STPG1: variants seen among roughly 807,000 people sequenced by gnomAD.
STPG1 encodes sperm tail PG-rich repeat containing 1, also known as O(6)-methylguanine-induced apoptosis 2.
STPG1 carries 33 observed loss-of-function variants against 40.1 expected under a neutral mutation model. That is an observed-to-expected ratio of 0.82 (90% CI 0.62 to 1.10). The LOEUF is 1.10. STPG1 is among the 50% of genes least tolerant of loss of function. STPG1 has a pLI of 0.00. For synonymous variants in STPG1, 150 were observed against 155.0 expected (o/e 0.97, Z 0.24); for missense variants, 396 against 415.1 (o/e 0.95, Z 0.40).
intron 1 of STPG1, among the ~76,000 whole-genome samples, chr1:24,401,776 G>A (rs939782801): frequency 2.6e-5 from 4 of 152,022 alleles, no homozygotes; most frequent in East Asian, 3.9e-4. Context: ...CACTGCAACC[G>A]CTGCCCCTGC....
intron 6 of STPG1, among the ~76,000 whole-genome samples, chr1:24,372,409 G>A (rs899930205): frequency 2.0e-5 from 3 of 152,172 alleles, no homozygotes; most frequent in Non-Finnish European, 2.9e-5. Context: ...CTTAACAGAT[G>A]CTAGTACCCA....
chr1:24,403,462 A>C (rs1377697947), intron 1 of STPG1, among the ~76,000 whole-genome samples: 1 of 152,130 alleles, frequency 6.6e-6, no homozygotes, highest in Non-Finnish European at 1.5e-5. Context: ...GCCCTTTTGA[A>C]TATAACTTAC....
At chr1:24,364,437 G>C (rs1422098585) in intron 7 of STPG1, 1 of 1,455,484 alleles carries the variant, frequency 6.9e-7, no homozygotes. Context: ...TCAGCTCAGA[G>C]TATGTGGCCC....
intron 1 of STPG1, among the ~76,000 whole-genome samples, chr1:24,404,285 G>A (rs544361517): frequency 1.3e-5 from 2 of 152,180 alleles, no homozygotes; most frequent in East Asian, 3.9e-4. Context: ...ATGCTACCTG[G>A]TCATAAGATA....
chr1:24,372,958 A>G (rs563311333), intron 6 of STPG1, among the ~76,000 whole-genome samples: 1 of 152,288 alleles, frequency 6.6e-6, no homozygotes, highest in East Asian at 1.9e-4. Context: ...CCCTTCCCCA[A>G]GGCCGGCAGG....
intron 3 of STPG1, among the ~76,000 whole-genome samples, chr1:24,385,704 C>A (rs1234899612): frequency 1.3e-5 from 2 of 152,128 alleles, no homozygotes; most frequent in Non-Finnish European, 2.9e-5. Context: ...CTGCTCTTAA[C>A]CACGAAACCA....
At chr1:24,400,779 T>G (rs932056306) in intron 2 of STPG1, among the ~76,000 whole-genome samples, 1 of 152,194 alleles carries the variant, frequency 6.6e-6, no homozygotes, top group African/African-American at 2.4e-5. Flanking sequence ...GCACATGAGC[T>G]GGGACACTGG....
rs991887034 is a variant in STPG1, at chr1:24,358,321, G to A, written c.*222C>T. 1.5e-6 allele frequency: 1 copy of A among 684,928 alleles called. No homozygotes were observed. The highest frequency in any genetic ancestry group is 1.8e-5 in the African/African-American group (1 of 56,964). The allele number at this position is 684,928 out of a possible 1,614,324, so 42.4% of individuals were successfully genotyped here. A position where few individuals can be genotyped will look rare whatever the true frequency, so the allele number is the denominator to read the frequency against. On this transcript the variant is annotated 3_prime_UTR_variant, in exon 9 of 9. Transcript: ENST00000337248. ...CCTCCCTTCTGCTCAGGAAGCCACT[G>A]GAGTCTGTGGGGCTGGGGTGAAGTC... is the stretch of plus-strand genomic sequence containing the variant.
intron 1 of STPG1, among the ~76,000 whole-genome samples, chr1:24,406,948 C>T (rs1643436780): frequency 6.6e-6 from 1 of 152,178 alleles, no homozygotes; most frequent in Non-Finnish European, 1.5e-5. Context: ...TTGTGCAACC[C>T]TCACCACTAT....
upstream of STPG1, chr1:24,415,029 A>C (rs1444595821): frequency 2.0e-5 from 3 of 152,078 alleles, no homozygotes; most frequent in Non-Finnish European, 4.4e-5. Flanking sequence ...CTCATTGTTG[A>C]TGTCTAGGCC....
intron 4 of STPG1, among the ~76,000 whole-genome samples, chr1:24,381,036 C>A (rs1054265204): frequency 2.6e-5 from 4 of 152,080 alleles, no homozygotes; most frequent in African/African-American, 9.7e-5. Context: ...TCAGGACAAC[C>A]CTGAGCAGTG....
At position 24,371,633 on chromosome 1, in the gene STPG1, T is replaced by A. The variant is rs549764279; in HGVS notation, c.572-1794A>T. ...TGTTCCCAGTATATGCTTAAATTTT[T>A]AAAGAAGCAGATGTCAGCAGCATTT... On this transcript the variant is annotated intron_variant, in intron 6 of 8. Transcript: ENST00000337248. Among the ~76,000 whole-genome samples, 55 of 152,116 alleles carry A rather than the reference T, an allele frequency of 3.6e-4. 1 individual carries two copies. In the South Asian group the frequency reaches 0.011, roughly 31 times the overall value.
intron 8 of STPG1, among the ~76,000 whole-genome samples, chr1:24,360,269 C>A (rs1420642533): frequency 6.6e-6 from 1 of 152,088 alleles, no homozygotes; most frequent in Non-Finnish European, 1.5e-5. Flanking sequence ...ACATAGCGAA[C>A]CCCTGTCTGT....
rs759801269 is a variant in STPG1, at chr1:24,369,686, T to C, written c.725A>G (p.Lys242Arg). ...GATTGGGACTCACGGGAAAAGAGTC[T>C]TTTTTGGAACTTTTGTGCAATCACT... ...NPSDCTKVPK[K>R]TLFPKNPILN... Residue 242 changes from lysine (K) to arginine (R), a missense_variant, in exon 7 of 9, where the codon AAG (lysine) becomes AGG (arginine). By Grantham distance (26) the Lys-to-Arg change is conservative. Transcript: ENST00000337248. 1.3e-6 allele frequency: 2 copies of C among 1,590,460 alleles called. No individual in the cohort carries two copies. Among genetic ancestry groups the C allele is most frequent in the Admixed American group, 1.8e-5 (1 of 56,760 alleles).
intron 5 of STPG1, among the ~76,000 whole-genome samples, chr1:24,377,424 C>G (rs555420393): frequency 3.5e-4 from 54 of 152,282 alleles, no homozygotes; most frequent in African/African-American, 1.3e-3. Context: ...TCATCCTACA[C>G]TAGCCACTCA....
intron 1 of STPG1, among the ~76,000 whole-genome samples, chr1:24,403,127 A>C (rs1463033974): frequency 8.5e-5 from 13 of 152,206 alleles, no homozygotes; most frequent in Admixed American, 8.5e-4. Context: ...TAAACTGTGT[A>C]TACAGTATTA....
At chr1:24,375,256 G>A (rs1349454584) in intron 5 of STPG1, among the ~76,000 whole-genome samples, 3 of 152,032 alleles carry the variant, frequency 2.0e-5, no homozygotes, top group East Asian at 1.9e-4. Context: ...GCCAATTTGC[G>A]GTCTCCTGTA....
chr1:24,374,242 G>GCGTTTT (rs1557440345), intron 5 of STPG1, among the ~76,000 whole-genome samples: 7 of 124,900 alleles, frequency 5.6e-5, no homozygotes, highest in African/African-American at 2.3e-4. Flanking sequence ...CGCTAGGAAA[G>GCGTTTT]TGTTTTTTTT....
At chr1:24,390,953 C>T (rs1433700164) in intron 3 of STPG1, among the ~76,000 whole-genome samples, 1 of 152,038 alleles carries the variant, frequency 6.6e-6, no homozygotes, top group African/African-American at 2.4e-5. Flanking sequence ...GCACACACCA[C>T]TATGCCAAGC....
Sources: gnomAD v4.1 joint callset for allele counts (sites outside exome capture counted in the v4.1 genomes callset) on GRCh38, gnomAD v4.1.1 for gene constraint, MANE v1.5 for transcripts, NCBI Gene and HGNC (gene_info 2026-07-23, HGNC 2026-07-21) for gene names.